The following EPHB6 variants were observed in gnomAD, a reference collection of about 807,000 sequenced individuals.
EPHB6 encodes ephrin type-B receptor 6.
EPHB6 carries 51 observed loss-of-function variants against 107.0 expected under a neutral mutation model. The observed-to-expected ratio is 0.48, with a 90% confidence interval of 0.38 to 0.60. EPHB6 has a LOEUF of 0.60. Ranked by LOEUF, EPHB6 falls within the 20% of genes least tolerant of loss-of-function variation. The probability of loss-of-function intolerance (pLI) is 0.00; values close to 1 mark genes in which losing one functional copy is unlikely to be tolerated. For missense variants in EPHB6, 1,141 were observed against 1,355.5 expected, an observed-to-expected ratio of 0.84 and a Z score of 2.48; for synonymous variants, 553 against 549.0, an observed-to-expected ratio of 1.01 and a Z score of -0.10.
Position 142,868,071 on chromosome 7 carries a change from G to C in EPHB6, c.1918+22G>C. 2 of 1,610,124 alleles carry C rather than the reference G, an allele frequency of 1.2e-6. No individual in the cohort carries two copies. The highest frequency in any genetic ancestry group is 1.7e-6 in the Non-Finnish European group (2 of 1,178,208). On this transcript the variant is annotated intron_variant, in intron 13 of 19. Coordinates refer to ENST00000652003, the MANE Select transcript of EPHB6 (RefSeq NM_004445.6). This position sits in a 1 kb window ranked among gnomAD's most constrained non-coding sequence, Gnocchi z 4.2. ...CCAGGTGGGGATGAGGAGAGGAAAT[G>C]GGTGGGGCTGGGGAACACATGGGTG...
rs375291077 is a variant in EPHB6 at position 142,868,938 on chromosome 7, G to A, written c.2287-36G>A. 1.9e-5 allele frequency: 31 copies of A among 1,600,720 alleles called. No individual in the cohort carries two copies. Among genetic ancestry groups the A allele is most frequent in the African/African-American group, 2.7e-5 (2 of 74,768 alleles). ...TATGTTGAGGTCTCCCCCTGTCTCC[G>A]ATCACTGACCTCTGCCCCCTGCCCC... On this transcript the variant is annotated intron_variant, in intron 15 of 19. Coordinates refer to ENST00000652003, the MANE Select transcript of EPHB6 (RefSeq NM_004445.6). This position sits in a 1 kb window ranked among gnomAD's most constrained non-coding sequence, Gnocchi z 4.2.
Position 142,866,142 on chromosome 7 carries a change from G to A in EPHB6, c.1288G>A (p.Asp430Asn). The A allele has an allele frequency of 1.2e-6, 2 of 1,614,012 alleles. No individual in the cohort carries two copies. The highest frequency in any genetic ancestry group is 1.7e-6 in the Non-Finnish European group (2 of 1,179,996). ...GGGGTCHRCR[D>N]EVHFDPRQRG... Reference sequence around the variant, plus strand: ...TGGGGGCACTTGTCACCGCTGCAGGGATGAGGTCCACTTCGACCCTCGCCA... The same window carrying A: ...TGGGGGCACTTGTCACCGCTGCAGGAATGAGGTCCACTTCGACCCTCGCCA... Residue 430 changes from aspartate (D) to asparagine (N), a missense_variant, in exon 9 of 20, where the codon GAT becomes AAT. Coordinates refer to ENST00000652003, the MANE Select transcript of EPHB6 (RefSeq NM_004445.6). The surrounding 1 kb of genome is among the most constrained non-coding windows in gnomAD (Gnocchi z 5.2).
intron 2 of EPHB6, among the ~76,000 whole-genome samples, chr7:142,861,561 C>A (rs988083658): frequency 6.6e-6 from 1 of 152,162 alleles, no homozygotes; most frequent in Non-Finnish European, 1.5e-5. Context: ...GTGTATATAT[C>A]CTTCTTAACA....
rs1411896785 is a variant in EPHB6, at chr7:142,864,554, G to T, written c.754G>T (p.Gly252Trp). 2 of 1,612,656 alleles carry T rather than the reference G, an allele frequency of 1.2e-6. No homozygotes were observed. The highest frequency in any genetic ancestry group is 4.5e-5 in the East Asian group (2 of 44,882). ...TCCAGAGACGCAGGCCAGTGGGGCT[G>T]GGGGGGCCTCCCTGGTGGCAGCTGT... ...SFPETQASGA[G>W]GASLVAAVGT... The change falls in exon 7 of 20, where the codon GGG becomes TGG. Residue 252 changes from glycine to tryptophan, a missense_variant. Gly to Trp is a radical substitution (Grantham distance 184). This residue lies in a region of EPHB6 where 304 missense variants were observed against 295.7 expected (regional missense o/e 1.03). Transcript: ENST00000652003.
intron 18 of EPHB6, 54 bp from the exon 19 acceptor site, chr7:142,870,476 A>AGAGG: frequency 1.2e-6 from 2 of 1,613,976 alleles, no homozygotes; most frequent in East Asian, 4.5e-5. Context: ...AAAACTGAGG[A>AGAGG]GAGGGGCTAA....
chr7:142,865,362 G>A (rs1157733130), intron 7 of EPHB6, 113 bp from the exon 8 acceptor site: 1 of 1,395,758 alleles, frequency 7.2e-7, no homozygotes, highest in Non-Finnish European at 1.0e-6. Context: ...AAGAAAAGGA[G>A]AACCAGCTCT....
intron 8 of EPHB6, 133 bp downstream of exon 8, chr7:142,865,763 C>T (rs963448159): frequency 9.9e-6 from 13 of 1,312,262 alleles, no homozygotes; most frequent in Non-Finnish European, 1.4e-5. Flanking sequence ...GCTTCCTCCC[C>T]TCCCTGTCCC....
chr7:142,866,555 G>A lies in EPHB6; in HGVS notation c.1537G>A (p.Asp513Asn), dbSNP rs1028670038. 16 of 1,614,152 alleles carry A rather than the reference G, an allele frequency of 9.9e-6. No individual in the cohort carries two copies. Among genetic ancestry groups the A allele is most frequent in the Admixed American group, 5.0e-5 (3 of 60,022 alleles). Residue 513 changes from aspartate to asparagine, a missense_variant, in exon 10 of 20, where the codon GAC (aspartate) becomes AAC (asparagine). This residue lies in a region of EPHB6 where 616 missense variants were observed against 759.3 expected (regional missense o/e 0.81). Transcript: ENST00000652003. This position sits in a 1 kb window ranked among gnomAD's most constrained non-coding sequence, Gnocchi z 5.2. Reference protein sequence around the residue: ...NSITVSWPQPDQTNGNILDYQ... With the variant: ...NSITVSWPQPNQTNGNILDYQ... ...CATCACGGTGTCCTGGCCGCAGCCCGACCAGACCAATGGGAACATCCTGGA... is the reference window on the plus strand; with the variant it reads ...CATCACGGTGTCCTGGCCGCAGCCCAACCAGACCAATGGGAACATCCTGGA...
intron 1 of EPHB6, among the ~76,000 whole-genome samples, chr7:142,857,948 C>T (rs943151366): frequency 1.3e-5 from 2 of 152,162 alleles, no homozygotes; most frequent in Admixed American, 6.5e-5. Context: ...CTACCTTCTT[C>T]TTATAGATGA....
chr7:142,868,721 C>CATGAA lies in EPHB6; in HGVS notation c.2268_2269insATGAA (p.Leu757MetfsTer50). ...TGACGGAGTTCATGGAGCTTGGCCCCCTGGACAGCTTCCTCAGGGTCAGTC... is the reference window on the plus strand; with the variant it reads ...TGACGGAGTTCATGGAGCTTGGCCCCATGAACTGGACAGCTTCCTCAGGGTCAGTC... On this transcript the variant is annotated frameshift_variant, in exon 15 of 20. Transcript: ENST00000652003. LOFTEE classifies it high-confidence loss of function. The surrounding 1 kb of genome is among the most constrained non-coding windows in gnomAD (Gnocchi z 4.2). The CATGAA allele has an allele frequency of 6.2e-7, 1 of 1,613,904 alleles. No individual in the cohort carries two copies. Among genetic ancestry groups the CATGAA allele is most frequent in the Non-Finnish European group, 8.5e-7 (1 of 1,180,014 alleles).
Position 142,869,874 on chromosome 7 carries a change from A to G in EPHB6, c.2518A>G (p.Thr840Ala). The G allele has an allele frequency of 6.2e-7, 1 of 1,614,230 alleles. No individual in the cohort carries two copies. The highest frequency in any genetic ancestry group is 1.1e-5 in the South Asian group (1 of 91,086). The part of the protein sequence containing the change: ...APEVIAHGKH[T>A]TSSDVWSFGI... ...AGAGGTCATTGCACATGGAAAGCAT[A>G]CAACATCCAGTGATGTCTGGAGCTT... The change falls in exon 17 of 20, where the codon ACA becomes GCA. Residue 840 changes from threonine to alanine, a missense_variant. Transcript: ENST00000652003. This position sits in a 1 kb window ranked among gnomAD's most constrained non-coding sequence, Gnocchi z 4.5.
chr7:142,861,283 C>T (rs571681868), intron 2 of EPHB6, 97 bp downstream of exon 2: 22 of 152,276 alleles, frequency 1.4e-4, no homozygotes, highest in African/African-American at 5.3e-4. Context: ...CTACATAGTT[C>T]TGAGAAGCCA....
At position 142,868,350 on chromosome 7, in the gene EPHB6, C is replaced by G; in HGVS notation, c.2028C>G (p.Val676=). Residue 676 remains valine, a synonymous_variant, in exon 14 of 20, where the codon GTC becomes GTG. Transcript: ENST00000652003. The surrounding 1 kb of genome is among the most constrained non-coding windows in gnomAD (Gnocchi z 4.2). ...CTGCTTATATCAAGATTGAGGAGGT[C>G]ATTGGGACAGGTACAGCAGGGCCAA... is the stretch of plus-strand genomic sequence containing the variant. ...VDPAYIKIEE[V]IGTGSFGEVR... 2 of 1,614,134 alleles carry G rather than the reference C, an allele frequency of 1.2e-6. No individual in the cohort carries two copies. Among genetic ancestry groups the G allele is most frequent in the Non-Finnish European group, 1.7e-6 (2 of 1,180,024 alleles).
chr7:142,863,919 G>GCTT, intron 6 of EPHB6, 47 bp from the exon 7 acceptor site: 2 of 1,613,856 alleles, frequency 1.2e-6, no homozygotes, highest in African/African-American at 2.7e-5. Context: ...CTACCTCGCC[G>GCTT]TGCTTAAGCC....
In EPHB6 at chr7:142,866,815, C is replaced by G; in HGVS notation, c.1588-91C>G. On this transcript the variant is annotated intron_variant, in intron 10 of 19. Transcript: ENST00000652003. The surrounding 1 kb of genome is among the most constrained non-coding windows in gnomAD (Gnocchi z 5.2). Reference sequence around the variant, plus strand: ...CAGCACTGGGCATGTGTCTGAGAGCCCTGTCAACCAGGGAGGGTGGCTGGG... The same window carrying G: ...CAGCACTGGGCATGTGTCTGAGAGCGCTGTCAACCAGGGAGGGTGGCTGGG... The G allele has an allele frequency of 6.2e-7, 1 of 1,606,354 alleles. No individual in the cohort carries two copies. The highest frequency in any genetic ancestry group is 8.5e-7 in the Non-Finnish European group (1 of 1,174,018).
chr7:142,859,986 A>C (rs1299887265), intron 1 of EPHB6, among the ~76,000 whole-genome samples: 1 of 152,248 alleles, frequency 6.6e-6, no homozygotes, highest in Admixed American at 6.5e-5. Context: ...TATTGCAACC[A>C]CAAGTGACTG....
rs2116423724 is a variant in EPHB6 at position 142,864,448 on chromosome 7, C to T, written c.648C>T (p.Asp216=). The T allele has an allele frequency of 6.2e-7, 1 of 1,612,596 alleles. No homozygotes were observed. Among genetic ancestry groups the T allele is most frequent in the African/African-American group, 1.3e-5 (1 of 75,056 alleles). Residue 216 remains aspartate (D), a synonymous_variant, in exon 7 of 20, where the codon GAC becomes GAT. Coordinates refer to ENST00000652003, the MANE Select transcript of EPHB6 (RefSeq NM_004445.6). ...TQRGFYVAFQ[D]TGACLALVAV... is the part of the protein sequence containing the mutation. ...GCGGCTTCTACGTGGCCTTCCAGGA[C>T]ACGGGGGCCTGCCTGGCCCTGGTCG...
intron 1 of EPHB6, among the ~76,000 whole-genome samples, chr7:142,859,205 G>C (rs1042050282): frequency 6.6e-6 from 1 of 152,178 alleles, no homozygotes; most frequent in African/African-American, 2.4e-5. Context: ...AGGAGCAAGG[G>C]GCCTGGCTTT....
rs780134404 is a variant in EPHB6 at position 142,868,402 on chromosome 7, CT to C, written c.2038+44del. On this transcript the variant is annotated intron_variant, in intron 14 of 19. Coordinates refer to ENST00000652003, the MANE Select transcript of EPHB6 (RefSeq NM_004445.6). The surrounding 1 kb of genome is among the most constrained non-coding windows in gnomAD (Gnocchi z 4.2). ...GCAGGGATCAGAGCGACGGGGCTCC[CT>C]TGTGGCCTCCGCTGGCCAGAGTCCC... 15 of 1,613,834 alleles carry C rather than the reference CT, an allele frequency of 9.3e-6. No homozygotes were observed. In the African/African-American group the frequency reaches 2.0e-4, roughly 22 times the overall value.
Sources: gnomAD v4.1 joint callset for allele counts (sites outside exome capture counted in the v4.1 genomes callset) on GRCh38, gnomAD v4.1.1 for gene constraint, gnomAD v4.1.1 regional missense constraint, Gnocchi (gnomAD v3.1) non-coding constraint, MANE v1.5 for transcripts, NCBI Gene and HGNC (gene_info 2026-07-23, HGNC 2026-07-21) for gene names.